Variants in MGAT5B observed in about 807,000 individuals in gnomAD.
MGAT5B encodes the protein N-acetylglucosaminyl-transferase Vb.
A neutral mutation model predicts 95.1 loss-of-function variants in MGAT5B; 54 were observed. That is an observed-to-expected ratio of 0.57 (90% confidence interval 0.46 to 0.71). The LOEUF (loss-of-function observed/expected upper bound fraction) is 0.71. Ranked by LOEUF, MGAT5B falls within the 30% of genes least tolerant of loss-of-function variation. The probability of loss-of-function intolerance (pLI) is 0.00; values close to 1 mark genes in which losing one functional copy is unlikely to be tolerated. For synonymous variants in MGAT5B, 464 were observed against 451.0 expected (o/e 1.03, Z -0.36); for missense variants, 935 against 1,088.6 (o/e 0.86, Z 1.99).
In MGAT5B at chr17:76,947,924, C is replaced by G. The variant is rs758246936; in HGVS notation, c.2018C>G (p.Ala673Gly). The change falls in exon 17 of 18, where the codon GCT becomes GGT. Residue 673 changes from alanine to glycine, a missense_variant. Transcript: ENST00000569840. The part of the protein sequence containing the change: ...LAPNATHLEW[A>G]RNTSLAPGAW... The stretch of plus-strand genomic sequence containing the variant: ...CCCAATGCCACCCACCTCGAGTGGG[C>G]TCGGAACACCAGCTTGGCTCCTGGG... 1.7e-5 allele frequency: 27 copies of G among 1,613,192 alleles called. No homozygotes were observed. Among genetic ancestry groups the G allele is most frequent in the Non-Finnish European group, 2.0e-5 (24 of 1,179,578 alleles).
chr17:76,906,852 T>C lies in MGAT5B; in HGVS notation c.1025+665T>C, dbSNP rs1390336066. The stretch of plus-strand genomic sequence containing the variant: ...AGGAGATTCTTCTCTTTATTAATAT[T>C]TATTGTAAGATATATGATGCATACA... On this transcript the variant is annotated intron_variant, in intron 8 of 17. Transcript: ENST00000569840. This position sits in a 1 kb window ranked among gnomAD's most constrained non-coding sequence, Gnocchi z 4.6. 6.6e-6 allele frequency among the ~76,000 whole-genome samples: 1 copy of C among 152,070 alleles called. No individual in the cohort carries two copies.
In MGAT5B at chr17:76,930,468, C is replaced by A. The variant is rs1252741806; in HGVS notation, c.1292-2177C>A. On this transcript the variant is annotated intron_variant, in intron 10 of 17. Coordinates refer to ENST00000569840, the MANE Select transcript of MGAT5B (RefSeq NM_001199172.2). This position sits in a 1 kb window ranked among gnomAD's most constrained non-coding sequence, Gnocchi z 4.1. The stretch of plus-strand genomic sequence containing the variant: ...TCAAGGCTGGGCAGCTGCTCCCAGC[C>A]TCCTCACTCACCATAGCCCCTTCCG... Among the ~76,000 whole-genome samples, 5 of 152,184 alleles carry A rather than the reference C, an allele frequency of 3.3e-5. No homozygotes were observed. The highest frequency in any genetic ancestry group is 1.2e-4 in the African/African-American group (5 of 41,426).
intron 12 of MGAT5B, among the ~76,000 whole-genome samples, chr17:76,934,809 C>T (rs12453216): frequency 0.8 from 122,103 of 152,102 alleles, 49,360 homozygotes; most frequent in Non-Finnish European, 0.85. Context: ...ACATCTTTGC[C>T]CTGGTGTTTG....
At chr17:76,947,187 G>A (rs569722657) in intron 16 of MGAT5B, among the ~76,000 whole-genome samples, 1 of 152,334 alleles carries the variant, frequency 6.6e-6, no homozygotes, top group Non-Finnish European at 1.5e-5. Flanking sequence ...CCGTATGGCT[G>A]TAAGAAATTT....
intron 3 of MGAT5B, among the ~76,000 whole-genome samples, chr17:76,894,158 C>T (rs189948102): frequency 6.6e-6 from 1 of 152,306 alleles, no homozygotes; most frequent in East Asian, 1.9e-4. Flanking sequence ...CACCCGGCTC[C>T]CTGTTCCCCC....
chr17:76,908,712 T>C (rs1185987382), intron 8 of MGAT5B, among the ~76,000 whole-genome samples: 5 of 152,288 alleles, frequency 3.3e-5, no homozygotes, highest in South Asian at 4.1e-4. Flanking sequence ...CTTGAGTATT[T>C]ATTATTTTTA....
At chr17:76,898,654 C>T (rs1423826413) in intron 3 of MGAT5B, among the ~76,000 whole-genome samples, 2 of 152,138 alleles carry the variant, frequency 1.3e-5, no homozygotes, top group Admixed American at 6.6e-5. Context: ...CTCTGAGATT[C>T]GTCTATGTCA....
At chr17:76,939,295 C>T (rs577399073) in intron 13 of MGAT5B, among the ~76,000 whole-genome samples, 5 of 151,972 alleles carry the variant, frequency 3.3e-5, no homozygotes, top group Admixed American at 1.3e-4. Context: ...GTTAGGATAT[C>T]GAGACCATCC....
At position 76,889,373 on chromosome 17, in the gene MGAT5B, G is replaced by A. The variant is rs1967785919; in HGVS notation, c.329+7075G>A. On this transcript the variant is annotated intron_variant, in intron 3 of 17. Transcript: ENST00000569840. This position sits in a 1 kb window ranked among gnomAD's most constrained non-coding sequence, Gnocchi z 4.4. Reference sequence around the variant, plus strand: ...AGGGGTGGCTCCAGCAGGCAGGGAGGGAAGAGCTCTCAGGGAACACACCTG... The same window carrying A: ...AGGGGTGGCTCCAGCAGGCAGGGAGAGAAGAGCTCTCAGGGAACACACCTG... Among the ~76,000 whole-genome samples, 1 of 152,162 alleles carries A rather than the reference G, an allele frequency of 6.6e-6. No homozygotes were observed. The highest frequency in any genetic ancestry group is 1.5e-5 in the Non-Finnish European group (1 of 68,020).
Position 76,940,984 on chromosome 17 carries a change from C to A in MGAT5B, c.1848+136C>A, listed in dbSNP as rs9900337. ...GTTGGCAAAGGTGTCCATCCCTCCC[C>A]TGGTCAGACACAGCCCTGAGCCAGG... On this transcript the variant is annotated intron_variant, in intron 15 of 17. Coordinates refer to ENST00000569840, the MANE Select transcript of MGAT5B (RefSeq NM_001199172.2). This position sits in a 1 kb window ranked among gnomAD's most constrained non-coding sequence, Gnocchi z 4.3. The A allele has an allele frequency of 6.1e-6, 4 of 660,294 alleles. No individual in the cohort carries two copies. The highest frequency in any genetic ancestry group is 2.4e-5 in the Admixed American group (1 of 41,408). The allele number at this position is 660,294 out of a possible 1,614,324, so 40.9% of individuals were successfully genotyped here.
rs769450152 is a variant in MGAT5B, at chr17:76,947,937, C to A, written c.2031C>A (p.Ser677Arg). Residue 677 changes from serine to arginine, a missense_variant, in exon 17 of 18, where the codon AGC becomes AGA. Ser to Arg is a moderately radical substitution (Grantham distance 110). This residue lies in a region of MGAT5B where 440 missense variants were observed against 523.6 expected (regional missense o/e 0.84). Transcript: ENST00000569840. ...ACCTCGAGTGGGCTCGGAACACCAG[C>A]TTGGCTCCTGGGGCCTGGCCCCCCG... is the stretch of plus-strand genomic sequence containing the variant. ...ATHLEWARNT[S>R]LAPGAWPPAH... 6.2e-7 allele frequency: 1 copy of A among 1,613,128 alleles called. No individual in the cohort carries two copies. The highest frequency in any genetic ancestry group is 2.2e-5 in the East Asian group (1 of 44,850).
rs544829965 is a variant in MGAT5B at position 76,869,930 on chromosome 17, C to T, written c.68+833C>T. Among the ~76,000 whole-genome samples the T allele has an allele frequency of 6.6e-6, 1 of 152,134 alleles. No individual in the cohort carries two copies. The highest frequency in any genetic ancestry group is 1.5e-5 in the Non-Finnish European group (1 of 68,002). On this transcript the variant is annotated intron_variant, in intron 1 of 17. Transcript: ENST00000569840. The surrounding 1 kb of genome is among the most constrained non-coding windows in gnomAD (Gnocchi z 7.0). Reference sequence around the variant, plus strand: ...CTCTCCTCCCAGGCATCCGCGGAACCGGCCCGCAGCGGGGTGGGGAGGGGG... The same window carrying T: ...CTCTCCTCCCAGGCATCCGCGGAACTGGCCCGCAGCGGGGTGGGGAGGGGG...
chr17:76,917,837 G>A lies in MGAT5B; in HGVS notation c.1026-7129G>A, dbSNP rs1001845835. 5.3e-5 allele frequency among the ~76,000 whole-genome samples: 8 copies of A among 152,202 alleles called. No homozygotes were observed. Among genetic ancestry groups the A allele is most frequent in the Non-Finnish European group, 1.2e-4 (8 of 68,038 alleles). ...GCCCGGAGCAAATAGAGGGACCCTC[G>A]GGGTGGCCTGAGCACCAGGAGCTAA... On this transcript the variant is annotated intron_variant, in intron 8 of 17. Coordinates refer to ENST00000569840, the MANE Select transcript of MGAT5B (RefSeq NM_001199172.2). The surrounding 1 kb of genome is among the most constrained non-coding windows in gnomAD (Gnocchi z 6.1).
chr17:76,932,751 C>T lies in MGAT5B; in HGVS notation c.1398C>T (p.Tyr466=), dbSNP rs770861407. The T allele has an allele frequency of 5.6e-6, 9 of 1,613,708 alleles. No homozygotes were observed. Among genetic ancestry groups the T allele is most frequent in the South Asian group, 1.1e-5 (1 of 91,074 alleles). ...GGKASNMAVV[Y]GKEASIWKLQ... ...AGGCCAGCAACATGGCCGTGGTGTA[C>T]GGCAAGGAGGCGAGCATCTGGAAGG... Residue 466 remains tyrosine, a synonymous_variant, in exon 11 of 18, where the codon TAC becomes TAT. Coordinates refer to ENST00000569840, the MANE Select transcript of MGAT5B (RefSeq NM_001199172.2).
chr17:76,936,278 T>G (rs968473750), intron 12 of MGAT5B, among the ~76,000 whole-genome samples: 1 of 152,080 alleles, frequency 6.6e-6, no homozygotes, highest in African/African-American at 2.4e-5. Flanking sequence ...TGTGGTGGCG[T>G]GCGCCCGTAG....
intron 3 of MGAT5B, among the ~76,000 whole-genome samples, chr17:76,897,731 C>T (rs201182523): frequency 0.034 from 2,826 of 82,044 alleles, 15 homozygotes; most frequent in Non-Finnish European, 0.04. Flanking sequence ...CTTTCTTTTT[C>T]TTTTTTTTTT....
intron 4 of MGAT5B, 124 bp from the exon 5 acceptor site, chr17:76,903,179 G>A (rs1379053956): frequency 4.0e-6 from 3 of 743,532 alleles, no homozygotes; most frequent in African/African-American, 1.8e-5. Context: ...TTGTGCGGCT[G>A]ATGAGCTTTA....
chr17:76,875,653 C>CTTT (rs547158669), intron 2 of MGAT5B, among the ~76,000 whole-genome samples: 2,545 of 66,876 alleles, frequency 0.038, 322 homozygotes, highest in East Asian at 0.09. Context: ...GTCACTTGCA[C>CTTT]TTTTTTTTTT....
chr17:76,881,967 A>G (rs963678324), intron 2 of MGAT5B, among the ~76,000 whole-genome samples, 184 bp from the exon 3 acceptor site: 3 of 152,266 alleles, frequency 2.0e-5, no homozygotes, highest in African/African-American at 7.2e-5. Flanking sequence ...TGTTCTCTGC[A>G]CCGCAAAGCA....
Sources: allele counts gnomAD v4.1 joint callset (sites outside exome capture counted in the v4.1 genomes callset), GRCh38; gene constraint gnomAD v4.1.1; regional missense constraint gnomAD v4.1.1; non-coding constraint Gnocchi (gnomAD v3.1); transcripts MANE v1.5; gene names NCBI Gene and HGNC (gene_info 2026-07-23, HGNC 2026-07-21).